The following SNX29 variants were observed in gnomAD, a reference collection of about 807,000 sequenced individuals.
The protein encoded by SNX29 is sorting nexin 29.
A neutral mutation model predicts 102.1 loss-of-function variants in SNX29; 78 were observed. The ratio of observed to expected loss-of-function variants is 0.76; its 90% CI spans 0.64 to 0.92. SNX29 has a LOEUF of 0.92. Ranked by LOEUF, SNX29 falls within the 40% of genes least tolerant of loss-of-function variation. The probability of loss-of-function intolerance (pLI) is 0.00; values close to 1 mark genes in which losing one functional copy is unlikely to be tolerated. For synonymous variants in SNX29, 580 were observed against 414.5 expected (o/e 1.40, Z -4.85); for missense variants, 1,280 against 1,061.7 (o/e 1.21, Z -2.86).
chr16:12,279,787 C>G (rs1433267913), intron 15 of SNX29, among the ~76,000 whole-genome samples: 1 of 152,166 alleles, frequency 6.6e-6, no homozygotes, highest in Non-Finnish European at 1.5e-5. Flanking sequence ...ATGGGGATGT[C>G]TGGATTTACT....
chr16:12,535,153 C>G (rs1466768440), intron 20 of SNX29, among the ~76,000 whole-genome samples: 1 of 152,180 alleles, frequency 6.6e-6, no homozygotes, highest in Non-Finnish European at 1.5e-5. Context: ...CTTTTCATTT[C>G]TTTGAGACAG....
At chr16:12,018,573 ACT>A (rs1006257776) in intron 3 of SNX29, among the ~76,000 whole-genome samples, 8 of 149,482 alleles carry the variant, frequency 5.4e-5, no homozygotes, top group African/African-American at 2.0e-4. Flanking sequence ...ACAGAGTGAG[ACT>A]CTGTCTCAAG....
chr16:12,352,276 A>G (rs1482985742), intron 15 of SNX29, among the ~76,000 whole-genome samples: 2 of 152,114 alleles, frequency 1.3e-5, no homozygotes, highest in East Asian at 1.9e-4. Context: ...ACAAAAAACC[A>G]AACACCGCAT....
intron 20 of SNX29, among the ~76,000 whole-genome samples, chr16:12,561,536 C>T (rs1411053833): frequency 2.6e-5 from 4 of 152,090 alleles, no homozygotes; most frequent in Non-Finnish European, 4.4e-5. Flanking sequence ...AGTCTCTCCT[C>T]GCAGCCATTT....
In SNX29 at chr16:12,573,401, T is replaced by C. The variant is rs953881524; in HGVS notation, c.*4772T>C. The C allele has an allele frequency of 1.3e-5, 3 of 223,802 alleles. No homozygotes were observed. Among genetic ancestry groups the C allele is most frequent in the South Asian group, 1.8e-4 (1 of 5,440 alleles). The allele number at this position is 223,802 out of a possible 1,614,324, so 13.9% of individuals were successfully genotyped here. ...TATCCTTCCTTATAGCTAGTTTCTA[T>C]AGAGAAGTGAAAAAGAAATCTGGCT... On this transcript the variant is annotated 3_prime_UTR_variant, in exon 21 of 21. Coordinates refer to ENST00000566228, the MANE Select transcript of SNX29 (RefSeq NM_032167.5).
At chr16:12,531,624 G>T (rs62026883) in intron 20 of SNX29, among the ~76,000 whole-genome samples, 1,674 of 152,328 alleles carry the variant, frequency 0.011, 14 homozygotes, top group Non-Finnish European at 0.015. Flanking sequence ...TAGGCTGCCT[G>T]CTGGGGCAAT....
chr16:12,043,269 A>T (rs1429887867), intron 5 of SNX29, among the ~76,000 whole-genome samples, 192 bp downstream of exon 5: 1 of 152,054 alleles, frequency 6.6e-6, no homozygotes. Context: ...CTGCCTGTAA[A>T]GGGCTCGGCA....
intron 19 of SNX29, among the ~76,000 whole-genome samples, chr16:12,518,092 G>A (rs888849048): frequency 6.6e-6 from 1 of 152,196 alleles, no homozygotes; most frequent in South Asian, 2.1e-4. Flanking sequence ...TAGTTTAGTC[G>A]TGTGTGCTGG....
intron 16 of SNX29, chr16:12,374,695 A>T (rs1257264040): frequency 1.3e-5 from 2 of 152,140 alleles, no homozygotes; most frequent in African/African-American, 4.8e-5. Context: ...GAGCTCTCAG[A>T]TGCGGCTGCA....
chr16:12,250,401 C>A (rs1596632485), intron 14 of SNX29, among the ~76,000 whole-genome samples: 1 of 152,152 alleles, frequency 6.6e-6, no homozygotes, highest in African/African-American at 2.4e-5. Context: ...GGGCAGAGGG[C>A]CATTCGGCCT....
intron 19 of SNX29, among the ~76,000 whole-genome samples, chr16:12,518,049 G>T (rs958591059): frequency 1.3e-5 from 2 of 152,216 alleles, no homozygotes; most frequent in African/African-American, 4.8e-5. Context: ...AAGGCGTGCT[G>T]CGGCCACGCG....
chr16:12,249,778 A>T (rs578031406), intron 14 of SNX29, among the ~76,000 whole-genome samples: 1 of 152,340 alleles, frequency 6.6e-6, no homozygotes, highest in South Asian at 2.1e-4. Flanking sequence ...TGCATAGGGA[A>T]CACTGTATAC....
chr16:12,120,890 G>T (rs958699412), intron 11 of SNX29, among the ~76,000 whole-genome samples: 4 of 152,186 alleles, frequency 2.6e-5, no homozygotes, highest in African/African-American at 9.7e-5. Context: ...ACGGGAGCCT[G>T]AATCTCTGTC....
chr16:12,352,193 A>G (rs2082008580), intron 15 of SNX29, among the ~76,000 whole-genome samples: 1 of 152,218 alleles, frequency 6.6e-6, no homozygotes, highest in Admixed American at 6.5e-5. Flanking sequence ...GCCATAAAAA[A>G]TGATGAGTTC....
At chr16:12,086,242 G>C (rs1461260133) in intron 11 of SNX29, among the ~76,000 whole-genome samples, 1 of 152,008 alleles carries the variant, frequency 6.6e-6, no homozygotes, top group Non-Finnish European at 1.5e-5. Context: ...CTTTCCTTGT[G>C]ATCTGCCCGC....
chr16:12,052,382 A>G (rs991750013), intron 8 of SNX29, 160 bp downstream of exon 8: 6 of 703,174 alleles, frequency 8.5e-6, no homozygotes, highest in African/African-American at 1.8e-5. Context: ...ACACCCAGCT[A>G]ATTTTTGTAT....
At chr16:12,364,603 A>T (rs574686987) in intron 16 of SNX29, among the ~76,000 whole-genome samples, 1 of 152,202 alleles carries the variant, frequency 6.6e-6, no homozygotes, top group Non-Finnish European at 1.5e-5. Flanking sequence ...ACTGCAAGTT[A>T]TAGAGGTCAA....
intron 20 of SNX29, among the ~76,000 whole-genome samples, chr16:12,562,637 C>T (rs2078792580): frequency 1.3e-5 from 2 of 152,144 alleles, no homozygotes; most frequent in Admixed American, 1.3e-4. Context: ...TCAGGGTCTT[C>T]CCTGAGGGGC....
chr16:12,380,791 A>ATCCATCCC (rs1426848518), intron 16 of SNX29, among the ~76,000 whole-genome samples: 1 of 48,646 alleles, frequency 2.1e-5, no homozygotes, highest in Non-Finnish European at 4.9e-5. Flanking sequence ...CCACCCATCC[A>ATCCATCCC]CCCACACACC....
Sources: gnomAD v4.1 joint callset for allele counts (sites outside exome capture counted in the v4.1 genomes callset) on GRCh38, gnomAD v4.1.1 for gene constraint, MANE v1.5 for transcripts, NCBI Gene and HGNC (gene_info 2026-07-23, HGNC 2026-07-21) for gene names.